TNIK: variants seen among roughly 807,000 people sequenced by gnomAD.
TNIK encodes TRAF2 and NCK interacting kinase.
In TNIK, 49 loss-of-function variants were observed where a neutral mutation model predicts 191.3. The ratio of observed to expected loss-of-function variants is 0.26; its 90% confidence interval spans 0.20 to 0.32. The LOEUF is 0.32. Among genes scored for constraint, TNIK ranks in the 10% least tolerant of loss-of-function variants. TNIK has a pLI of 1.00. For missense variants in TNIK, 1,155 were observed against 1,702.3 expected (o/e 0.68, Z 5.66); for synonymous variants, 594 against 600.9 (o/e 0.99, Z 0.17).
intron 1 of TNIK, among the ~76,000 whole-genome samples, chr3:171,399,028 C>T (rs890245804): frequency 2.6e-5 from 4 of 152,130 alleles, no homozygotes; most frequent in Non-Finnish European, 5.9e-5. Context: ...GCAAGTGAGC[C>T]CCTTGAGAGC....
intron 18 of TNIK, among the ~76,000 whole-genome samples, chr3:171,122,557 C>T (rs1001466732): frequency 6.6e-6 from 1 of 152,168 alleles, no homozygotes; most frequent in Non-Finnish European, 1.5e-5. Flanking sequence ...AGTATAGTTT[C>T]ATGTTATTGC....
At chr3:171,441,583 T>C (rs1009582313) in intron 1 of TNIK, among the ~76,000 whole-genome samples, 1 of 152,230 alleles carries the variant, frequency 6.6e-6, no homozygotes, top group African/African-American at 2.4e-5. Flanking sequence ...GGTTTCCATT[T>C]TTGGGCCACT....
intron 2 of TNIK, among the ~76,000 whole-genome samples, chr3:171,316,311 A>G (rs1188864128): frequency 1.3e-5 from 2 of 152,206 alleles, no homozygotes; most frequent in African/African-American, 4.8e-5. Context: ...AGAAAAGCCT[A>G]TACAGGCAAT....
chr3:171,298,363 T>C (rs1332874155), intron 2 of TNIK, among the ~76,000 whole-genome samples: 1 of 152,238 alleles, frequency 6.6e-6, no homozygotes, highest in Non-Finnish European at 1.5e-5. Flanking sequence ...GTAAAAATAC[T>C]TAGCCAGACT....
At chr3:171,335,494 G>A (rs1458098218) in intron 2 of TNIK, among the ~76,000 whole-genome samples, 1 of 152,156 alleles carries the variant, frequency 6.6e-6, no homozygotes, top group Non-Finnish European at 1.5e-5. Context: ...TGCCTTTTCT[G>A]AAATGTGATA....
chr3:171,233,334 C>A lies in TNIK; in HGVS notation c.124-5113G>T, dbSNP rs139399963. On this transcript the variant is annotated intron_variant, in intron 2 of 32. Transcript: ENST00000436636. ...TTTTCAAAACACGCATCACCAGAACCATGAAAATAAATCAAATCAAAATGG... is the reference window on the plus strand; with the variant it reads ...TTTTCAAAACACGCATCACCAGAACAATGAAAATAAATCAAATCAAAATGG... Among the ~76,000 whole-genome samples, 273 of 152,130 alleles carry A rather than the reference C, an allele frequency of 1.8e-3. 3 individuals carry two copies. Among genetic ancestry groups the A allele is most frequent in the African/African-American group, 6.2e-3 (259 of 41,460 alleles).
chr3:171,243,718 G>C (rs926901744), intron 2 of TNIK, among the ~76,000 whole-genome samples: 2 of 152,092 alleles, frequency 1.3e-5, no homozygotes, highest in African/African-American at 4.8e-5. Flanking sequence ...TACTCCTAGA[G>C]GAAGGTTTAT....
chr3:171,200,480 G>A (rs1304441057), intron 4 of TNIK, among the ~76,000 whole-genome samples: 3 of 151,812 alleles, frequency 2.0e-5, no homozygotes, highest in African/African-American at 7.3e-5. Context: ...TTGATTGTCA[G>A]CAGTTTTTGT....
chr3:171,163,971 GAAAGTGA>G (rs1486614800), intron 10 of TNIK, among the ~76,000 whole-genome samples: 1 of 152,128 alleles, frequency 6.6e-6, no homozygotes, highest in African/African-American at 2.4e-5. Context: ...GAACAACTAA[GAAAGTGA>G]AAAGTAATAT....
chr3:171,198,433 CG>C (rs1738996828), intron 4 of TNIK, among the ~76,000 whole-genome samples: 4 of 151,904 alleles, frequency 2.6e-5, no homozygotes, highest in Middle Eastern at 3.4e-3. Context: ...AGTGTTCTTT[CG>C]GGGTGATGGA....
intron 1 of TNIK, among the ~76,000 whole-genome samples, chr3:171,374,273 T>G (rs1364821478): frequency 3.3e-5 from 5 of 152,178 alleles, no homozygotes; most frequent in Non-Finnish European, 5.9e-5. Flanking sequence ...TAAAAGCCCC[T>G]GTAGTATTCC....
intron 1 of TNIK, among the ~76,000 whole-genome samples, chr3:171,435,465 C>T (rs1032231490): frequency 6.6e-6 from 1 of 152,202 alleles, no homozygotes; most frequent in Admixed American, 6.5e-5. Flanking sequence ...GTGTGCACCA[C>T]AGAGAGTCTC....
chr3:171,430,313 A>G (rs141978416), intron 1 of TNIK, among the ~76,000 whole-genome samples: 6 of 152,294 alleles, frequency 3.9e-5, no homozygotes, highest in African/African-American at 1.4e-4. Context: ...CCTTTACGCT[A>G]AACAATGAAA....
At chr3:171,423,553 G>A (rs1724104124) in intron 1 of TNIK, among the ~76,000 whole-genome samples, 2 of 152,100 alleles carry the variant, frequency 1.3e-5, no homozygotes, top group East Asian at 1.9e-4. Context: ...GAACAAAGCT[G>A]GAGGCATCAC....
intron 2 of TNIK, among the ~76,000 whole-genome samples, chr3:171,293,299 A>G (rs1299144523): frequency 6.6e-6 from 1 of 152,192 alleles, no homozygotes; most frequent in African/African-American, 2.4e-5. Flanking sequence ...CTCCACGCCT[A>G]CAAGATTCAC....
chr3:171,250,676 T>C (rs139126264), intron 2 of TNIK, among the ~76,000 whole-genome samples: 1 of 152,208 alleles, frequency 6.6e-6, no homozygotes, highest in Non-Finnish European at 1.5e-5. Flanking sequence ...TGTGTGACCA[T>C]GAGGAAATCA....
intron 2 of TNIK, among the ~76,000 whole-genome samples, chr3:171,336,363 T>G (rs949595821): frequency 6.6e-6 from 1 of 152,290 alleles, no homozygotes; most frequent in African/African-American, 2.4e-5. Flanking sequence ...GTTGACTGTG[T>G]GCCTTTCTTT....
intron 2 of TNIK, among the ~76,000 whole-genome samples, chr3:171,329,644 A>G (rs2108361522): frequency 6.6e-6 from 1 of 152,364 alleles, no homozygotes; most frequent in Non-Finnish European, 1.5e-5. Context: ...AAATAAGAGA[A>G]TAAATGCCTT....
Position 171,453,702 on chromosome 3 carries a change from C to T in TNIK, c.57+6305G>A, listed in dbSNP as rs557101357. ...CACAGGAGGAGGGGAGGTCCTGTTG[C>T]GGGTGTTGCCCAGGGGACAGTAACT... On this transcript the variant is annotated intron_variant, in intron 1 of 32. Coordinates refer to ENST00000436636, the MANE Select transcript of TNIK (RefSeq NM_015028.4). Among the ~76,000 whole-genome samples the T allele has an allele frequency of 9.7e-4, 147 of 152,098 alleles. 1 individual carries two copies. The highest frequency in any genetic ancestry group is 3.4e-3 in the Middle Eastern group (1 of 294).
Sources: allele counts gnomAD v4.1 joint callset (sites outside exome capture counted in the v4.1 genomes callset), GRCh38; gene constraint gnomAD v4.1.1; transcripts MANE v1.5; gene names NCBI Gene and HGNC (gene_info 2026-07-23, HGNC 2026-07-21).